MALRD1: variants seen among roughly 807,000 people sequenced by gnomAD.
The protein encoded by MALRD1 is MAM and LDL-receptor class A domain-containing protein 1.
MALRD1 carries 247 observed loss-of-function variants against 242.1 expected under a neutral mutation model. The observed-to-expected ratio is 1.02, with a 90% CI of 0.92 to 1.13. The LOEUF (loss-of-function observed/expected upper bound fraction) is 1.13, where lower values mean the gene tolerates loss of function less well. Ranked by LOEUF, MALRD1 falls within the 50% of genes most tolerant of loss-of-function variation. MALRD1 has a pLI of 0.00. For synonymous variants in MALRD1, 995 were observed against 866.6 expected (o/e 1.15, Z -2.60); for missense variants, 2,989 against 2,533.1 (o/e 1.18, Z -3.86).
chr10:19,057,807 ATAGC>A (rs1252071024), intron 1 of MALRD1, among the ~76,000 whole-genome samples: 16 of 152,350 alleles, frequency 1.1e-4, no homozygotes, highest in African/African-American at 3.4e-4. Flanking sequence ...TGAGAGATAA[ATAGC>A]TAGCAAGAGG....
chr10:19,326,567 A>G (rs183134924), intron 22 of MALRD1, among the ~76,000 whole-genome samples: 2 of 152,102 alleles, frequency 1.3e-5, no homozygotes, highest in Non-Finnish European at 2.9e-5. Flanking sequence ...ATTTTTACTG[A>G]TTGGTTAGAA....
intron 14 of MALRD1, among the ~76,000 whole-genome samples, chr10:19,175,665 T>A (rs1835201046): frequency 6.6e-6 from 1 of 151,872 alleles, no homozygotes; most frequent in East Asian, 1.9e-4. Context: ...CCATTAATTT[T>A]ATTCAGAACT....
At chr10:19,128,461 G>T in intron 8 of MALRD1, 74 bp downstream of exon 8, 2 of 1,029,196 alleles carry the variant, frequency 1.9e-6, no homozygotes, top group Non-Finnish European at 2.5e-6. Flanking sequence ...CTTGTGTTTC[G>T]ATTTCTCAGT....
intron 28 of MALRD1, among the ~76,000 whole-genome samples, chr10:19,427,853 A>G (rs1317980291): frequency 6.6e-6 from 1 of 152,178 alleles, no homozygotes; most frequent in African/African-American, 2.4e-5. Context: ...TGTAGGATGC[A>G]TCTTTGATAG....
intron 32 of MALRD1, among the ~76,000 whole-genome samples, chr10:19,551,695 G>A (rs1589230711): frequency 6.6e-6 from 1 of 152,068 alleles, no homozygotes; most frequent in Non-Finnish European, 1.5e-5. Context: ...AATGCTTCTA[G>A]CTTTTGCCCA....
intron 20 of MALRD1, 91 bp from the exon 21 acceptor site, chr10:19,282,928 A>G: frequency 1.1e-6 from 1 of 904,550 alleles, no homozygotes. Context: ...CATTAGAATT[A>G]AAAACAAGAG....
intron 32 of MALRD1, among the ~76,000 whole-genome samples, chr10:19,548,398 A>G (rs1164738017): frequency 6.6e-6 from 1 of 152,072 alleles, no homozygotes; most frequent in Non-Finnish European, 1.5e-5. Flanking sequence ...TAAAGTGGAC[A>G]TAATATTTTT....
intron 2 of MALRD1, among the ~76,000 whole-genome samples, chr10:19,084,295 T>C (rs147537204): frequency 6.6e-6 from 1 of 151,934 alleles, no homozygotes; most frequent in South Asian, 2.1e-4. Flanking sequence ...TTGCTCTCTA[T>C]TATCCGAACT....
intron 36 of MALRD1, among the ~76,000 whole-genome samples, chr10:19,685,922 A>G (rs1043534381): frequency 6.6e-6 from 1 of 152,178 alleles, no homozygotes. Flanking sequence ...TCTGAGCCCA[A>G]TTACAGCAAG....
At chr10:19,335,963 C>T (rs1843593982) in intron 24 of MALRD1, among the ~76,000 whole-genome samples, 1 of 151,906 alleles carries the variant, frequency 6.6e-6, no homozygotes, top group Non-Finnish European at 1.5e-5. Context: ...TAGCCCCCCA[C>T]CCGCCGACAG....
intron 38 of MALRD1, chr10:19,722,260 G>T (rs1046047270): frequency 5.9e-5 from 9 of 152,112 alleles, no homozygotes; most frequent in Admixed American, 3.9e-4. Flanking sequence ...TGATTGCAAG[G>T]GTTCCTGCTA....
intron 28 of MALRD1, among the ~76,000 whole-genome samples, chr10:19,411,737 G>A (rs187899515): frequency 5.7e-4 from 86 of 152,208 alleles, no homozygotes; most frequent in African/African-American, 1.9e-3. Flanking sequence ...CATTTAGCAG[G>A]CAAACAACCA....
intron 5 of MALRD1, among the ~76,000 whole-genome samples, chr10:19,119,876 G>C (rs1837000259): frequency 1.3e-5 from 2 of 152,192 alleles, no homozygotes; most frequent in African/African-American, 4.8e-5. Flanking sequence ...AGCAAGGACA[G>C]CTTGGAAGTT....
intron 5 of MALRD1, 64 bp from the exon 6 acceptor site, chr10:19,123,428 A>G: frequency 1.0e-6 from 1 of 978,938 alleles, no homozygotes; most frequent in Non-Finnish European, 1.3e-6. Flanking sequence ...ACATTAAAGC[A>G]AAATACTTGA....
chr10:19,180,739 G>A (rs767619066), intron 14 of MALRD1, among the ~76,000 whole-genome samples: 14 of 152,054 alleles, frequency 9.2e-5, no homozygotes, highest in Admixed American at 9.2e-4. Flanking sequence ...AAACTAAAAG[G>A]CTTCTGCACA....
intron 11 of MALRD1, among the ~76,000 whole-genome samples, chr10:19,147,264 A>C (rs2131443112): frequency 6.6e-6 from 1 of 152,332 alleles, no homozygotes; most frequent in Middle Eastern, 3.4e-3. Context: ...TTATACCAAA[A>C]ATAAGTATTG....
At chr10:19,175,138 A>G in intron 13 of MALRD1, 70 bp from the exon 14 acceptor site, 1 of 1,142,726 alleles carries the variant, frequency 8.8e-7, no homozygotes, top group Admixed American at 4.3e-5. Context: ...TCCTCTACAC[A>G]AAGAAATATG....
At chr10:19,366,367 T>C (rs1845108218) in intron 26 of MALRD1, among the ~76,000 whole-genome samples, 1 of 152,022 alleles carries the variant, frequency 6.6e-6, no homozygotes, top group Admixed American at 6.6e-5. Context: ...CTGCTGATGA[T>C]CTGACAGGAG....
At chr10:19,149,415 C>T (rs1405483801) in intron 11 of MALRD1, among the ~76,000 whole-genome samples, 2 of 151,920 alleles carry the variant, frequency 1.3e-5, no homozygotes, top group Admixed American at 6.6e-5. Context: ...TTTTTTGCTT[C>T]GTTTCTACCT....
Sources: allele counts gnomAD v4.1 joint callset (sites outside exome capture counted in the v4.1 genomes callset), GRCh38; gene constraint gnomAD v4.1.1; transcripts MANE v1.5; gene names NCBI Gene and HGNC (gene_info 2026-07-23, HGNC 2026-07-21).